Variants in ESR1 observed in about 807,000 individuals in gnomAD.
ESR1 encodes estrogen receptor.
Under a neutral mutation model 52.7 loss-of-function variants are expected in ESR1, and 12 were observed. The observed-to-expected ratio is 0.23, with a 90% CI of 0.15 to 0.37. ESR1 has a LOEUF of 0.37. Ranked by LOEUF, ESR1 falls within the 10% of genes least tolerant of loss-of-function variation. The pLI is 1.00. For missense variants in ESR1, 584 were observed against 779.7 expected, an observed-to-expected ratio of 0.75 and a Z score of 2.99; for synonymous variants, 305 against 316.8, an observed-to-expected ratio of 0.96 and a Z score of 0.39.
chr6:151,852,454 G>A (rs1786944861), intron 2 of ESR1, among the ~76,000 whole-genome samples: 1 of 152,114 alleles, frequency 6.6e-6, no homozygotes, highest in Admixed American at 6.5e-5. Flanking sequence ...ATTATAAAAA[G>A]TGTATGTGCA....
chr6:151,929,710 G>T (rs867855726), intron 3 of ESR1, among the ~76,000 whole-genome samples: 1 of 152,128 alleles, frequency 6.6e-6, no homozygotes, highest in African/African-American at 2.4e-5. Flanking sequence ...TGAGGCAGGA[G>T]AATCAAAATA....
chr6:151,735,837 G>A (rs1177812748), intron 2 of ESR1, among the ~76,000 whole-genome samples: 1 of 152,182 alleles, frequency 6.6e-6, no homozygotes, highest in African/African-American at 2.4e-5. Flanking sequence ...TACCTGGTGG[G>A]AGGTGATTGG....
chr6:151,808,370 C>A lies in ESR1; in HGVS notation c.452+6C>A, dbSNP rs1291894331. The A allele has an allele frequency of 3.5e-6, 5 of 1,419,724 alleles. No individual in the cohort carries two copies. Among genetic ancestry groups the A allele is most frequent in the East Asian group, 2.7e-5 (1 of 36,788 alleles). 87.9% of individuals were successfully genotyped at this position (1,419,724 alleles called of 1,614,324 possible). On this transcript the variant is annotated splice_donor_region_variant and intron_variant, in intron 1 of 7. Transcript: ENST00000206249. ...GGCCCGCCGGCATTCTACAGGTACC[C>A]GCGCCCGCGCCGCCCGTCGGGGTGG...
At chr6:151,731,543 C>G (rs765848396) in intron 2 of ESR1, among the ~76,000 whole-genome samples, 14 of 152,202 alleles carry the variant, frequency 9.2e-5, no homozygotes, top group Admixed American at 2.0e-4. Context: ...CAGGTTCTCG[C>G]TGCCTCGTGC....
chr6:152,121,211 T>C (rs909802018), intron 6 of ESR1, among the ~76,000 whole-genome samples: 1 of 152,166 alleles, frequency 6.6e-6, no homozygotes, highest in African/African-American at 2.4e-5. Context: ...AGGAGCAAAA[T>C]AAAATCTCAT....
chr6:151,734,578 C>T (rs2039234486), intron 2 of ESR1, among the ~76,000 whole-genome samples: 1 of 152,078 alleles, frequency 6.6e-6, no homozygotes, highest in African/African-American at 2.4e-5. Context: ...CTTCTTGCTG[C>T]ACTTTTTGGC....
At chr6:151,873,175 G>T (rs1791257928) in intron 2 of ESR1, among the ~76,000 whole-genome samples, 1 of 152,200 alleles carries the variant, frequency 6.6e-6, no homozygotes, top group African/African-American at 2.4e-5. Flanking sequence ...ATATATGGAG[G>T]TTGTTAGAAT....
intron 2 of ESR1, among the ~76,000 whole-genome samples, chr6:151,702,805 T>A (rs1213129840): frequency 6.6e-6 from 1 of 152,172 alleles, no homozygotes; most frequent in Non-Finnish European, 1.5e-5. Flanking sequence ...ACAAACCTCT[T>A]GAAAAGTCAT....
intron 5 of ESR1, among the ~76,000 whole-genome samples, chr6:152,015,638 T>G (rs536938324): frequency 3.9e-5 from 6 of 152,314 alleles, no homozygotes; most frequent in African/African-American, 1.4e-4. Context: ...ATCTACATCT[T>G]CTGATAGTCA....
upstream of ESR1, among the ~76,000 whole-genome samples, chr6:151,688,866 T>C (rs189179070): frequency 2.6e-5 from 4 of 152,290 alleles, no homozygotes; most frequent in East Asian, 5.8e-4. Context: ...CCAACCCTAA[T>C]ACTAAGGGAT....
chr6:151,952,150 A>T (rs2036398277), intron 4 of ESR1, among the ~76,000 whole-genome samples: 1 of 152,240 alleles, frequency 6.6e-6, no homozygotes, highest in Admixed American at 6.5e-5. Context: ...GAGAGACAGC[A>T]CTTCAATTAA....
intron 1 of ESR1, among the ~76,000 whole-genome samples, chr6:151,673,399 A>G (rs1381150082): frequency 2.0e-5 from 3 of 152,154 alleles, no homozygotes; most frequent in African/African-American, 4.8e-5. Flanking sequence ...TGTACCATTC[A>G]TATTACATAA....
chr6:151,891,430 T>C (rs1266174262), intron 3 of ESR1, among the ~76,000 whole-genome samples: 3 of 152,248 alleles, frequency 2.0e-5, no homozygotes, highest in African/African-American at 4.8e-5. Context: ...GCAGTAATTA[T>C]ATGAATGAAT....
chr6:151,833,575 A>G (rs539216904), intron 1 of ESR1, among the ~76,000 whole-genome samples: 1 of 152,216 alleles, frequency 6.6e-6, no homozygotes, highest in African/African-American at 2.4e-5. Flanking sequence ...ATGTCCATAC[A>G]CTCACTGAGA....
At chr6:151,954,924 A>C (rs2036733463) in intron 4 of ESR1, among the ~76,000 whole-genome samples, 1 of 152,214 alleles carries the variant, frequency 6.6e-6, no homozygotes, top group Non-Finnish European at 1.5e-5. Flanking sequence ...ACTGTGATCC[A>C]GACCAATGCC....
At chr6:151,688,131 G>A (rs1403919724), upstream of ESR1, among the ~76,000 whole-genome samples, 2 of 152,124 alleles carry the variant, frequency 1.3e-5, no homozygotes, top group Non-Finnish European at 2.9e-5. Flanking sequence ...TTTAAAAAAT[G>A]TATTGGTCCA....
chr6:151,793,421 T>C (rs1022446057), intron 2 of ESR1, among the ~76,000 whole-genome samples: 1 of 152,166 alleles, frequency 6.6e-6, no homozygotes, highest in African/African-American at 2.4e-5. Context: ...GTAATATTTT[T>C]TTCTAGTAGA....
intron 4 of ESR1, among the ~76,000 whole-genome samples, chr6:152,000,523 T>A (rs1047485773): frequency 2.6e-5 from 4 of 152,064 alleles, no homozygotes; most frequent in African/African-American, 9.7e-5. Context: ...TGCCTTTTTT[T>A]AATTCTAGCA....
At chr6:151,660,808 C>T (rs1777612778) in intron 1 of ESR1, among the ~76,000 whole-genome samples, 1 of 152,146 alleles carries the variant, frequency 6.6e-6, no homozygotes, top group African/African-American at 2.4e-5. Flanking sequence ...AGCCCCAATA[C>T]ACTGCCTCAT....
Sources: gnomAD v4.1 joint callset for allele counts (sites outside exome capture counted in the v4.1 genomes callset) on GRCh38, gnomAD v4.1.1 for gene constraint, MANE v1.5 for transcripts, NCBI Gene and HGNC (gene_info 2026-07-23, HGNC 2026-07-21) for gene names.